Variants in LRP5 observed in about 807,000 individuals in gnomAD.
LRP5 encodes low-density lipoprotein receptor-related protein 5.
In LRP5, 62 loss-of-function variants were observed where a neutral mutation model predicts 154.1. The observed-to-expected ratio is 0.40, with a 90% CI of 0.33 to 0.50. The LOEUF (loss-of-function observed/expected upper bound fraction) is 0.50, where lower values mean the gene tolerates loss of function less well. Among genes scored for constraint, LRP5 ranks in the 20% least tolerant of loss-of-function variants. The probability of loss-of-function intolerance (pLI) is 0.55; values close to 1 mark genes in which losing one functional copy is unlikely to be tolerated. For synonymous variants in LRP5, 966 were observed against 1,011.5 expected (o/e 0.96, Z 0.85); for missense variants, 1,915 against 2,336.7 (o/e 0.82, Z 3.72).
At chr11:68,390,682 C>T (rs1465678344) in intron 7 of LRP5, among the ~76,000 whole-genome samples, 11 of 127,588 alleles carry the variant, frequency 8.6e-5, no homozygotes, top group Admixed American at 8.0e-5. Context: ...GGCCTCGTCC[C>T]GTGGACGCAG....
intron 1 of LRP5, among the ~76,000 whole-genome samples, chr11:68,319,114 A>G (rs1591168722): frequency 8.1e-6 from 1 of 123,414 alleles, no homozygotes; most frequent in Non-Finnish European, 1.6e-5. Flanking sequence ...AGTCTCACTC[A>G]CGCCCAGGAT....
chr11:68,368,563 C>T (rs76152149), intron 5 of LRP5, among the ~76,000 whole-genome samples: 2,377 of 152,288 alleles, frequency 0.016, 63 homozygotes, highest in African/African-American at 0.053. Flanking sequence ...CATTTTGCAG[C>T]GGTCCCCGCA....
At chr11:68,416,969 G>A (rs761243892) in intron 13 of LRP5, among the ~76,000 whole-genome samples, 1 of 152,194 alleles carries the variant, frequency 6.6e-6, no homozygotes, top group Non-Finnish European at 1.5e-5. Flanking sequence ...GGAAAGCGGG[G>A]CCAGGGCACA....
In LRP5 at chr11:68,431,402, G is replaced by A. The variant is rs527916346; in HGVS notation, c.3763+1702G>A. 6.1e-4 allele frequency among the ~76,000 whole-genome samples: 93 copies of A among 152,072 alleles called. No homozygotes were observed. The South Asian group carries it at 0.018, about 30-fold the overall frequency. On this transcript the variant is annotated intron_variant, in intron 17 of 22. Coordinates refer to ENST00000294304, the MANE Select transcript of LRP5 (RefSeq NM_002335.4). ...TTACAGGCTCCCACCACCACGCCCG[G>A]CTAATTTTTGTATTTTCAGTAGAGA... is the stretch of plus-strand genomic sequence containing the variant.
intron 1 of LRP5, among the ~76,000 whole-genome samples, chr11:68,345,794 C>A (rs910138519): frequency 4.6e-5 from 7 of 152,186 alleles, no homozygotes; most frequent in African/African-American, 1.7e-4. Flanking sequence ...CAGTGGTGCA[C>A]AAGGGTTCCA....
chr11:68,436,281 C>A (rs916214612), intron 18 of LRP5, among the ~76,000 whole-genome samples: 1 of 152,158 alleles, frequency 6.6e-6, no homozygotes, highest in South Asian at 2.1e-4. Flanking sequence ...AGGTGGGGAA[C>A]TGAGCAAGTT....
intron 1 of LRP5, among the ~76,000 whole-genome samples, chr11:68,339,689 C>T (rs1040252268): frequency 6.6e-6 from 1 of 152,200 alleles, no homozygotes; most frequent in African/African-American, 2.4e-5. Flanking sequence ...TGGCCCCTCT[C>T]ACCTCCGTCA....
intron 5 of LRP5, among the ~76,000 whole-genome samples, chr11:68,373,150 C>G (rs1200849454): frequency 6.6e-6 from 1 of 152,178 alleles, no homozygotes; most frequent in African/African-American, 2.4e-5. Flanking sequence ...CCCTGGGACT[C>G]CCTCCTGGGT....
intron 5 of LRP5, among the ~76,000 whole-genome samples, chr11:68,376,371 T>C (rs572326157): frequency 6.6e-6 from 1 of 152,086 alleles, no homozygotes; most frequent in Admixed American, 6.5e-5. Context: ...TTAGTAGAGA[T>C]GGGGTTTCAC....
At chr11:68,342,913 C>T (rs180682695) in intron 1 of LRP5, among the ~76,000 whole-genome samples, 3 of 152,362 alleles carry the variant, frequency 2.0e-5, no homozygotes, top group Admixed American at 2.0e-4. Flanking sequence ...TCCAAGAGCT[C>T]CTGCCTCCCT....
At position 68,446,549 on chromosome 11, in the gene LRP5, C is replaced by T. The variant is rs367820282; in HGVS notation, c.4586+16C>T. 6.9e-6 allele frequency: 11 copies of T among 1,602,416 alleles called. No homozygotes were observed. In the African/African-American group the frequency reaches 1.5e-4, roughly 21 times the overall value. ...GACCGTACAGGTAGGACATCCCCTG[C>T]AGCCCTCCATGGCCATTGGGTTCCC... On this transcript the variant is annotated intron_variant, in intron 22 of 22. Transcript: ENST00000294304.
At chr11:68,404,174 C>A in intron 8 of LRP5, 1 of 447,728 alleles carries the variant, frequency 2.2e-6, no homozygotes, top group Non-Finnish European at 4.4e-6. Context: ...TCAGGACGCT[C>A]CCCGAGGAGG....
At chr11:68,403,241 T>C (rs2098653627) in intron 7 of LRP5, among the ~76,000 whole-genome samples, 1 of 152,052 alleles carries the variant, frequency 6.6e-6, no homozygotes, top group Non-Finnish European at 1.5e-5. Context: ...TGAGACGCTG[T>C]CTCAAAATCT....
At position 68,349,252 on chromosome 11, in the gene LRP5, C is replaced by T. The variant is rs143329758; in HGVS notation, c.488+1009C>T. On this transcript the variant is annotated intron_variant, in intron 2 of 22. Coordinates refer to ENST00000294304, the MANE Select transcript of LRP5 (RefSeq NM_002335.4). ...TTCACCATGGTGTCTAGGCTGGTCT[C>T]GAACTCCTGACCTCAGGTGATCCAC... 4.1e-3 allele frequency among the ~76,000 whole-genome samples: 618 copies of T among 152,034 alleles called. 7 individuals are homozygous for T. The highest frequency in any genetic ancestry group is 0.014 in the African/African-American group (580 of 41,484).
chr11:68,374,558 A>G (rs1273157525), intron 5 of LRP5, among the ~76,000 whole-genome samples: 1 of 152,232 alleles, frequency 6.6e-6, no homozygotes, highest in East Asian at 1.9e-4. Context: ...TAAAACGCAC[A>G]CATTTTAACG....
Position 68,426,039 on chromosome 11 carries a change from T to G in LRP5, c.3489T>G (p.Leu1163=), listed in dbSNP as rs766214195. ...TGCAGCCTCTGGGCCTGACCATCCT[T>G]GGCAAGCATCTCTACTGGATCGACC... ...NIVQPLGLTI[L]GKHLYWIDRQ... is the part of the protein sequence containing the mutation. Residue 1163 remains leucine, a synonymous_variant, in exon 16 of 23, where the codon CTT becomes CTG. Coordinates refer to ENST00000294304, the MANE Select transcript of LRP5 (RefSeq NM_002335.4). 3.7e-6 allele frequency: 6 copies of G among 1,613,444 alleles called. No homozygotes were observed. The highest frequency in any genetic ancestry group is 5.1e-6 in the Non-Finnish European group (6 of 1,180,014).
intron 1 of LRP5, among the ~76,000 whole-genome samples, chr11:68,324,003 A>C (rs1242818916): frequency 6.6e-6 from 1 of 152,192 alleles, no homozygotes; most frequent in Non-Finnish European, 1.5e-5. Context: ...CGTAGACTCC[A>C]CTGCAGCTCT....
chr11:68,334,732 G>A (rs558908321), intron 1 of LRP5, among the ~76,000 whole-genome samples: 3 of 152,084 alleles, frequency 2.0e-5, no homozygotes, highest in African/African-American at 2.4e-5. Flanking sequence ...GAAATTAGCC[G>A]GTTGTGGGGG....
At chr11:68,382,342 A>G (rs2098640704) in intron 5 of LRP5, among the ~76,000 whole-genome samples, 1 of 152,144 alleles carries the variant, frequency 6.6e-6, no homozygotes, top group South Asian at 2.1e-4. Flanking sequence ...CCCATTTGGG[A>G]CACCCCGCCA....
Sources: allele counts gnomAD v4.1 joint callset (sites outside exome capture counted in the v4.1 genomes callset), GRCh38; gene constraint gnomAD v4.1.1; transcripts MANE v1.5; gene names NCBI Gene and HGNC (gene_info 2026-07-23, HGNC 2026-07-21).